Variants in PDE4D observed in about 807,000 individuals in gnomAD.
PDE4D encodes the protein 3',5'-cyclic-AMP phosphodiesterase 4D.
A neutral mutation model predicts 87.4 loss-of-function variants in PDE4D; 24 were observed. The ratio of observed to expected loss-of-function variants is 0.27; its 90% CI spans 0.20 to 0.39. The LOEUF (loss-of-function observed/expected upper bound fraction) is 0.39, where lower values mean the gene tolerates loss of function less well. Among genes scored for constraint, PDE4D ranks in the 10% least tolerant of loss-of-function variants. The probability of loss-of-function intolerance (pLI) is 1.00; values close to 1 mark genes in which losing one functional copy is unlikely to be tolerated. For synonymous variants in PDE4D, 384 were observed against 383.2 expected, an observed-to-expected ratio of 1.00 and a Z score of -0.02; for missense variants, 714 against 1,041.0, an observed-to-expected ratio of 0.69 and a Z score of 4.32.
chr5:59,410,931 T>C (rs1434747682), intron 1 of PDE4D, among the ~76,000 whole-genome samples: 4 of 152,164 alleles, frequency 2.6e-5, no homozygotes, highest in African/African-American at 7.2e-5. Flanking sequence ...AGTCAGAACT[T>C]CACTATTCAG....
At chr5:60,022,357 AG>A (rs1766151834) in intron 2 of PDE4D, among the ~76,000 whole-genome samples, 1 of 152,204 alleles carries the variant, frequency 6.6e-6, no homozygotes, top group South Asian at 2.1e-4. Flanking sequence ...CTTATAACAG[AG>A]GAGTATTCCT....
intron 11 of PDE4D, among the ~76,000 whole-genome samples, chr5:58,979,789 T>C (rs1744661420): frequency 6.6e-6 from 1 of 152,226 alleles, no homozygotes; most frequent in East Asian, 1.9e-4. Context: ...GTACCACCCA[T>C]TTAGCATGTA....
intron 1 of PDE4D, among the ~76,000 whole-genome samples, chr5:59,358,682 A>C (rs1237974043): frequency 6.6e-6 from 1 of 152,094 alleles, no homozygotes; most frequent in Non-Finnish European, 1.5e-5. Flanking sequence ...TGATCTGCGT[A>C]AAGAGGGGAG....
chr5:59,827,127 A>G (rs1770423224), intron 1 of PDE4D, among the ~76,000 whole-genome samples: 1 of 152,018 alleles, frequency 6.6e-6, no homozygotes, highest in South Asian at 2.1e-4. Context: ...CTCTATAGTC[A>G]TTTTTTGCTA....
chr5:60,157,907 TCC>T (rs1782128327), intron 2 of PDE4D, among the ~76,000 whole-genome samples: 2 of 151,168 alleles, frequency 1.3e-5, no homozygotes, highest in African/African-American at 4.9e-5. Context: ...CTTCCTTCCT[TCC>T]TTCCTTCCTT....
chr5:59,628,060 C>T (rs1316557083), intron 1 of PDE4D, among the ~76,000 whole-genome samples: 1 of 152,180 alleles, frequency 6.6e-6, no homozygotes, highest in Non-Finnish European at 1.5e-5. Flanking sequence ...GCAAAGACAA[C>T]AACAATTAAA....
chr5:59,212,894 T>A lies in PDE4D; in HGVS notation c.647+2883A>T, dbSNP rs568361757. ...TTCTACTCACCTTTACCCTGTTCCC[T>A]TTTTTGATCTGCATAGTGGCTTTTT... is the stretch of plus-strand genomic sequence containing the variant. On this transcript the variant is annotated intron_variant, in intron 2 of 14. Coordinates refer to ENST00000340635, the MANE Select transcript of PDE4D (RefSeq NM_001104631.2). Among the ~76,000 whole-genome samples the A allele has an allele frequency of 3.3e-5, 5 of 152,030 alleles. No homozygotes were observed. The South Asian group carries it at 1.0e-3, about 32-fold the overall frequency.
chr5:60,108,717 C>G (rs969666284), intron 2 of PDE4D, among the ~76,000 whole-genome samples: 22 of 152,196 alleles, frequency 1.4e-4, no homozygotes, highest in African/African-American at 4.8e-4. Flanking sequence ...ATATCTACAA[C>G]TATCTGATCT....
chr5:59,231,513 T>C (rs1755183563), intron 1 of PDE4D, among the ~76,000 whole-genome samples: 1 of 152,204 alleles, frequency 6.6e-6, no homozygotes, highest in African/African-American at 2.4e-5. Context: ...GGGAGAATCC[T>C]GGTCCGTGAC....
chr5:59,289,920 C>T (rs1043489315), intron 1 of PDE4D, among the ~76,000 whole-genome samples: 20 of 151,880 alleles, frequency 1.3e-4, no homozygotes, highest in African/African-American at 4.8e-4. Flanking sequence ...AAAGTAATCC[C>T]ATTTGCAATA....
intron 1 of PDE4D, among the ~76,000 whole-genome samples, chr5:60,294,215 C>T (rs1753177358): frequency 6.6e-6 from 1 of 152,062 alleles, no homozygotes; most frequent in South Asian, 2.1e-4. Context: ...GTTCATTGGC[C>T]ATTTGTATAT....
At chr5:60,412,076 T>C (rs1299298225) in intron 1 of PDE4D, among the ~76,000 whole-genome samples, 1 of 152,192 alleles carries the variant, frequency 6.6e-6, no homozygotes, top group Non-Finnish European at 1.5e-5. Context: ...TGTTGGCTTG[T>C]TTTTGTTTCT....
chr5:59,773,101 T>A (rs979990445), intron 1 of PDE4D, among the ~76,000 whole-genome samples: 2 of 152,140 alleles, frequency 1.3e-5, no homozygotes, highest in Admixed American at 6.5e-5. Context: ...CATTATGTGA[T>A]ATGAGGAACT....
At chr5:59,252,985 G>A (rs945326469) in intron 1 of PDE4D, among the ~76,000 whole-genome samples, 1 of 152,142 alleles carries the variant, frequency 6.6e-6, no homozygotes, top group Non-Finnish European at 1.5e-5. Context: ...TCGTAGCCCA[G>A]CCATGGTTCT....
intron 1 of PDE4D, among the ~76,000 whole-genome samples, chr5:59,643,468 T>C (rs1018705731): frequency 6.6e-6 from 1 of 152,224 alleles, no homozygotes; most frequent in Non-Finnish European, 1.5e-5. Context: ...GGGTGATATA[T>C]ATTTGTGTAC....
intron 1 of PDE4D, among the ~76,000 whole-genome samples, chr5:59,427,060 A>G (rs923206076): frequency 2.8e-5 from 4 of 144,268 alleles, no homozygotes; most frequent in Non-Finnish European, 6.0e-5. Flanking sequence ...TTACATATAT[A>G]CAAATATATA....
At chr5:59,632,290 G>T (rs112227589) in intron 1 of PDE4D, among the ~76,000 whole-genome samples, 31,305 of 152,114 alleles carry the variant, frequency 0.21, 3,615 homozygotes, top group South Asian at 0.27. Flanking sequence ...CAGAGCACCT[G>T]GGGGGAGGGG....
chr5:60,151,038 A>G (rs1382658853), intron 2 of PDE4D, among the ~76,000 whole-genome samples: 2 of 152,228 alleles, frequency 1.3e-5, no homozygotes, highest in Non-Finnish European at 2.9e-5. Flanking sequence ...CACAAGAGTC[A>G]ACTTTCAGCA....
At chr5:59,489,042 T>C (rs1805689047) in intron 1 of PDE4D, among the ~76,000 whole-genome samples, 1 of 151,974 alleles carries the variant, frequency 6.6e-6, no homozygotes, top group South Asian at 2.1e-4. Context: ...ATCCCAGCAC[T>C]TTGGGAGGCT....
Sources: allele counts gnomAD v4.1 joint callset (sites outside exome capture counted in the v4.1 genomes callset), GRCh38; gene constraint gnomAD v4.1.1; transcripts MANE v1.5; gene names NCBI Gene and HGNC (gene_info 2026-07-23, HGNC 2026-07-21).